MFN2: variants seen among roughly 807,000 people sequenced by gnomAD.
MFN2 encodes mitofusin 2.
MFN2 carries 43 observed loss-of-function variants against 87.5 expected under a neutral mutation model. The observed-to-expected ratio is 0.49, with a 90% CI of 0.38 to 0.63. The LOEUF is 0.63. Ranked by LOEUF, MFN2 falls within the 30% of genes least tolerant of loss-of-function variation. The pLI is 0.00. For missense variants in MFN2, 743 were observed against 972.8 expected (o/e 0.76, Z 3.14); for synonymous variants, 337 against 359.9 (o/e 0.94, Z 0.72).
chr1:12,009,465 T>G, intron 17 of MFN2, 127 bp from the exon 18 acceptor site: 1 of 1,363,798 alleles, frequency 7.3e-7, no homozygotes, highest in South Asian at 1.2e-5. Context: ...AAACCAGGCC[T>G]GGCTCAGGGC....
intron 6 of MFN2, 131 bp from the exon 7 acceptor site, chr1:11,998,639 C>A: frequency 1.2e-6 from 1 of 816,488 alleles, no homozygotes; most frequent in Non-Finnish European, 2.2e-6. Flanking sequence ...GAGGGCCAGG[C>A]CTGATTTCTC....
chr1:11,992,457 G>C (rs574404106), intron 3 of MFN2, 98 bp from the exon 4 acceptor site: 4 of 1,504,286 alleles, frequency 2.7e-6, no homozygotes, highest in Admixed American at 1.7e-5. Context: ...AGGTGGACTC[G>C]TTTAGGGTAA....
rs863224066 is a variant in MFN2 at position 12,001,482 on chromosome 1, C to T, written c.898C>T (p.Arg300Cys). ...GVVDRSQAGD[R>C]IFFVSAKEVL... ...GGTGGATCGATCCCAGGCCGGGGACCGCATCTTCTTTGTGTCTGCTAAGGA... is the reference window on the plus strand; with the variant it reads ...GGTGGATCGATCCCAGGCCGGGGACTGCATCTTCTTTGTGTCTGCTAAGGA... The change falls in exon 9 of 19, where the codon CGC becomes TGC. Residue 300 changes from arginine to cysteine, a missense_variant. Physicochemically the swap from Arg to Cys is radical, Grantham distance 180. This residue lies in a region of MFN2 where 571 missense variants were observed against 670.7 expected (regional missense o/e 0.85). Coordinates refer to ENST00000235329, the MANE Select transcript of MFN2 (RefSeq NM_014874.4). 3.7e-6 allele frequency: 6 copies of T among 1,614,088 alleles called. No homozygotes were observed. Among genetic ancestry groups the T allele is most frequent in the Non-Finnish European group, 5.1e-6 (6 of 1,179,986 alleles).
rs1453368125 is a variant in MFN2 at position 12,003,413 on chromosome 1, C to T, written c.1161-579C>T. 6.6e-6 allele frequency among the ~76,000 whole-genome samples: 1 copy of T among 152,170 alleles called. No individual in the cohort carries two copies. The highest frequency in any genetic ancestry group is 1.5e-5 in the Non-Finnish European group (1 of 68,038). On this transcript the variant is annotated intron_variant, in intron 11 of 18. Transcript: ENST00000235329. The surrounding 1 kb of genome is among the most constrained non-coding windows in gnomAD (Gnocchi z 4.1). Reference sequence around the variant, plus strand: ...GGCATGGTGGCTCACGCCTGTAATCCCAACACTTTGGGAGGCCAAGGCGGA... The same window carrying T: ...GGCATGGTGGCTCACGCCTGTAATCTCAACACTTTGGGAGGCCAAGGCGGA...
intron 17 of MFN2, among the ~76,000 whole-genome samples, chr1:12,008,761 C>T (rs536042346): frequency 3.3e-4 from 49 of 148,514 alleles, no homozygotes; most frequent in African/African-American, 9.6e-4. Flanking sequence ...ACATCCCAGA[C>T]GATGGGCGGC....
Position 11,999,045 on chromosome 1 carries a change from C to A in MFN2, c.766C>A (p.Leu256Met). 1.9e-6 allele frequency: 3 copies of A among 1,614,216 alleles called. No homozygotes were observed. Among genetic ancestry groups the A allele is most frequent in the Non-Finnish European group, 2.5e-6 (3 of 1,180,044 alleles). The change falls in exon 8 of 19, where the codon CTG (leucine) becomes ATG (methionine). Residue 256 changes from leucine to methionine, a missense_variant. Around this residue, in one of 3 missense-constraint regions of MFN2, gnomAD observed 571 missense variants for 670.7 expected, o/e 0.85. Coordinates refer to ENST00000235329, the MANE Select transcript of MFN2 (RefSeq NM_014874.4). ...ERLSRPNIFI[L>M]NNRWDASASE... The stretch of plus-strand genomic sequence containing the variant: ...TCTCTCCCGGCCAAACATCTTCATC[C>A]TGAACAACCGCTGGGATGCATCTGC...
chr1:12,004,076 T>C lies in MFN2; in HGVS notation c.1245T>C (p.Tyr415=). 1 of 1,614,156 alleles carries C rather than the reference T, an allele frequency of 6.2e-7. No homozygotes were observed. Among genetic ancestry groups the C allele is most frequent in the South Asian group, 1.1e-5 (1 of 91,082 alleles). Residue 415 remains tyrosine, a synonymous_variant, in exon 12 of 19, where the codon TAT becomes TAC. Coordinates refer to ENST00000235329, the MANE Select transcript of MFN2 (RefSeq NM_014874.4). The surrounding 1 kb of genome is among the most constrained non-coding windows in gnomAD (Gnocchi z 4.2). ...AGCTGGAGCTCTTGGCTCAAGACTA[T>C]AAGCTGCGAATTAAGCAGATTACGG... ...DKQLELLAQD[Y]KLRIKQITEE... is the part of the protein sequence containing the mutation.
At chr1:11,995,522 A>G (rs1168292106) in intron 4 of MFN2, among the ~76,000 whole-genome samples, 2 of 151,626 alleles carry the variant, frequency 1.3e-5, no homozygotes, top group Non-Finnish European at 2.9e-5. Context: ...AGTCCCAGCT[A>G]CTTGGGAGGC....
Position 11,998,756 on chromosome 1 carries a change from C to T in MFN2, c.600-14C>T, listed in dbSNP as rs1199726906. 6.2e-7 allele frequency: 1 copy of T among 1,612,442 alleles called. No homozygotes were observed. Among genetic ancestry groups the T allele is most frequent in the Admixed American group, 1.7e-5 (1 of 60,004 alleles). ...GCTCTGCCTGATGATTTGGTTTACCCCTGTCACCTTTAGCCCTGGTATTGA... is the reference window on the plus strand; with the variant it reads ...GCTCTGCCTGATGATTTGGTTTACCTCTGTCACCTTTAGCCCTGGTATTGA... On this transcript the variant is annotated splice_polypyrimidine_tract_variant and intron_variant, in intron 6 of 18. Coordinates refer to ENST00000235329, the MANE Select transcript of MFN2 (RefSeq NM_014874.4).
Position 12,011,871 on chromosome 1 carries a change from A to G in MFN2, c.*306A>G, listed in dbSNP as rs1557539661. On this transcript the variant is annotated 3_prime_UTR_variant, in exon 19 of 19. Coordinates refer to ENST00000235329, the MANE Select transcript of MFN2 (RefSeq NM_014874.4). ...TCTCTGGTTCATTTGATTGCTTGATAAGGCCTCAGGATCTCAGCATTGCAC... is the reference window on the plus strand; with the variant it reads ...TCTCTGGTTCATTTGATTGCTTGATGAGGCCTCAGGATCTCAGCATTGCAC... 8.3e-6 allele frequency: 4 copies of G among 483,436 alleles called. No individual in the cohort carries two copies. In the East Asian group the frequency reaches 1.5e-4, roughly 18 times the overall value. The allele number at this position is 483,436 out of a possible 1,614,324, so 29.9% of individuals were successfully genotyped here.
intron 3 of MFN2, among the ~76,000 whole-genome samples, chr1:11,990,241 GAAGA>G (rs1447115214): frequency 1.3e-5 from 2 of 152,246 alleles, no homozygotes; most frequent in Non-Finnish European, 2.9e-5. Flanking sequence ...GGCTCCCTTT[GAAGA>G]AAGAGACTGT....
intron 9 of MFN2, 91 bp from the exon 10 acceptor site, chr1:12,001,678 G>C: frequency 1.3e-6 from 2 of 1,594,714 alleles, no homozygotes; most frequent in East Asian, 4.5e-5. Context: ...AGAGGCTCTT[G>C]CTCTTTAGCC....
At chr1:12,007,431 G>A (rs1036319921) in intron 17 of MFN2, among the ~76,000 whole-genome samples, 182 bp downstream of exon 17, 1 of 152,214 alleles carries the variant, frequency 6.6e-6, no homozygotes, top group Non-Finnish European at 1.5e-5. Context: ...GGTCTCCCAG[G>A]GACACTTTGC....
chr1:11,985,452 T>TC (rs1244657911), intron 2 of MFN2, among the ~76,000 whole-genome samples: 4 of 141,332 alleles, frequency 2.8e-5, no homozygotes, highest in Admixed American at 7.0e-5. Flanking sequence ...CCATCCTTGA[T>TC]CCCTTTTTTT....
At chr1:11,984,867 C>T (rs1270995545) in intron 2 of MFN2, among the ~76,000 whole-genome samples, 3 of 152,240 alleles carry the variant, frequency 2.0e-5, no homozygotes, top group African/African-American at 4.8e-5. Flanking sequence ...TCGCCCTAAG[C>T]GTCTCCTTAT....
In MFN2 at chr1:12,003,740, G is replaced by T. The variant is rs58162493; in HGVS notation, c.1161-252G>T. On this transcript the variant is annotated intron_variant, in intron 11 of 18. Transcript: ENST00000235329. This position sits in a 1 kb window ranked among gnomAD's most constrained non-coding sequence, Gnocchi z 4.1. The stretch of plus-strand genomic sequence containing the variant: ...TTCCCTATATTAATTGGCAGAATTT[G>T]TTTAAACCCCCTTAAAGCGCCCTCC... 6.6e-6 allele frequency among the ~76,000 whole-genome samples: 1 copy of T among 152,052 alleles called. No individual in the cohort carries two copies. The highest frequency in any genetic ancestry group is 2.4e-5 in the African/African-American group (1 of 41,494).
intron 17 of MFN2, among the ~76,000 whole-genome samples, chr1:12,007,624 G>T (rs1297069280): frequency 6.6e-6 from 1 of 152,240 alleles, no homozygotes; most frequent in Non-Finnish European, 1.5e-5. Context: ...GGAATCTATT[G>T]CCTAATCTGG....
In MFN2 at chr1:12,005,917, G is replaced by A. The variant is rs1471660995; in HGVS notation, c.1702G>A (p.Gly568Ser). ...CAAGAACAGCCGTCGGGCCTTGATG[G>A]GCTACAATGACCAGGCAAGCAAAGT... ...GPKNSRRALM[G>S]YNDQVQRPIP... Residue 568 changes from glycine (G) to serine (S), a missense_variant, in exon 15 of 19, where the codon GGC becomes AGC. Transcript: ENST00000235329. The A allele has an allele frequency of 1.2e-6, 2 of 1,613,608 alleles. No individual in the cohort carries two copies. The highest frequency in any genetic ancestry group is 8.5e-7 in the Non-Finnish European group (1 of 1,180,000).
At position 12,004,634 on chromosome 1, in the gene MFN2, TCCTCTTGGCAGGA is replaced by T. The variant is rs753511494; in HGVS notation, c.1392+22_1392+34del. 16 of 1,609,116 alleles carry T rather than the reference TCCTCTTGGCAGGA, an allele frequency of 9.9e-6. No individual in the cohort carries two copies. The highest frequency in any genetic ancestry group is 1.7e-5 in the Admixed American group (1 of 59,980). On this transcript the variant is annotated intron_variant, in intron 13 of 18. Coordinates refer to ENST00000235329, the MANE Select transcript of MFN2 (RefSeq NM_014874.4). This position sits in a 1 kb window ranked among gnomAD's most constrained non-coding sequence, Gnocchi z 4.2. ...AGAATGTGAGTCATGGAGCAACAGG[TCCTCTTGGCAGGA>T]GGCCCCCAAAAGTGATTCAACCCCT...
Sources: allele counts gnomAD v4.1 joint callset (sites outside exome capture counted in the v4.1 genomes callset), GRCh38; gene constraint gnomAD v4.1.1; regional missense constraint gnomAD v4.1.1; non-coding constraint Gnocchi (gnomAD v3.1); transcripts MANE v1.5; gene names NCBI Gene and HGNC (gene_info 2026-07-23, HGNC 2026-07-21).